UTS2R: variants seen among roughly 807,000 people sequenced by gnomAD.
UTS2R encodes urotensin 2 receptor.
For missense variants in UTS2R, 653 were observed against 562.2 expected (o/e 1.16, Z -1.63); for synonymous variants, 335 against 280.9 (o/e 1.19, Z -1.93).
In UTS2R at chr17:82,375,119, G is replaced by A. The variant is rs773791958; in HGVS notation, c.795G>A (p.Leu265=). ...RALRLVLGIV[L]LFWACFLPFW... ...TGCGCCTGGTGCTGGGCATCGTGCT[G>A]CTCTTCTGGGCCTGCTTCCTGCCCT... Residue 265 remains leucine, a synonymous_variant, in exon 3 of 3, where the codon CTG becomes CTA. Coordinates refer to ENST00000313135, the MANE Select transcript of UTS2R (RefSeq NM_018949.3). 2 of 1,509,678 alleles carry A rather than the reference G, an allele frequency of 1.3e-6. No individual in the cohort carries two copies. The highest frequency in any genetic ancestry group is 1.8e-6 in the Non-Finnish European group (2 of 1,131,002). 93.5% of individuals were successfully genotyped at this position (1,509,678 alleles called of 1,614,324 possible).
rs762930403 is a variant in UTS2R, at chr17:82,375,348, G to C, written c.1024G>C (p.Val342Leu). The change falls in exon 3 of 3, where the codon GTT (valine) becomes CTT (leucine). Residue 342 changes from valine (V) to leucine (L), a missense_variant. Coordinates refer to ENST00000313135, the MANE Select transcript of UTS2R (RefSeq NM_018949.3). ...GGGCAGCGGGGGAGGCCGGGGGCCC[G>C]TTCCCTCCCTGCAGCCCCGCGCCCG... ...GPGSGGGRGP[V>L]PSLQPRARFQ... 3.8e-6 allele frequency: 6 copies of C among 1,571,616 alleles called. No individual in the cohort carries two copies. Among genetic ancestry groups the C allele is most frequent in the Non-Finnish European group, 5.2e-6 (6 of 1,162,798 alleles).
rs532091177 is a variant in UTS2R at position 82,376,218 on chromosome 17, C to T, written c.*724C>T. Among the ~76,000 whole-genome samples the T allele has an allele frequency of 8.5e-5, 13 of 152,318 alleles. No homozygotes were observed. Among genetic ancestry groups the T allele is most frequent in the East Asian group, 3.9e-4 (2 of 5,184 alleles). ...TACAGGCCTCCTGGCCTCTCATCCA[C>T]GTCTGGCTCAGGTCTGATCAGAAAG... On this transcript the variant is annotated 3_prime_UTR_variant, in exon 3 of 3. Transcript: ENST00000313135.
chr17:82,375,092 G>A lies in UTS2R; in HGVS notation c.768G>A (p.Ala256=). Reference sequence around the variant, plus strand: ...GGGCCCGGCGGCCGGGGGCGCGCGCGCTGCGCCTGGTGCTGGGCATCGTGC... The same window carrying A: ...GGGCCCGGCGGCCGGGGGCGCGCGCACTGCGCCTGGTGCTGGGCATCGTGC... ...FKRARRPGAR[A]LRLVLGIVLL... The change falls in exon 3 of 3, where the codon GCG becomes GCA. Residue 256 remains alanine (A), a synonymous_variant. Coordinates refer to ENST00000313135, the MANE Select transcript of UTS2R (RefSeq NM_018949.3). 1.4e-6 allele frequency: 2 copies of A among 1,413,914 alleles called. No homozygotes were observed. Among genetic ancestry groups the A allele is most frequent in the Non-Finnish European group, 1.8e-6 (2 of 1,090,750 alleles). 87.6% of individuals were successfully genotyped at this position (1,413,914 alleles called of 1,614,324 possible). A position where few individuals can be genotyped will look rare whatever the true frequency, so the allele number is the denominator to read the frequency against.
In UTS2R at chr17:82,375,364, C is replaced by G; in HGVS notation, c.1040C>G (p.Pro347Arg). 6.3e-7 allele frequency: 1 copy of G among 1,578,522 alleles called. No homozygotes were observed. Among genetic ancestry groups the G allele is most frequent in the African/African-American group, 1.4e-5 (1 of 71,624 alleles). ...CGGGGGCCCGTTCCCTCCCTGCAGC[C>G]CCGCGCCCGCTTCCAGCGCTGTTCG... is the stretch of plus-strand genomic sequence containing the variant. ...GGRGPVPSLQPRARFQRCSGR... is the reference protein window; with the variant it reads ...GGRGPVPSLQRRARFQRCSGR... The change falls in exon 3 of 3, where the codon CCC (proline) becomes CGC (arginine). Residue 347 changes from proline to arginine, a missense_variant. Coordinates refer to ENST00000313135, the MANE Select transcript of UTS2R (RefSeq NM_018949.3).
At chr17:82,373,170 C>A (rs913106049) in intron 2 of UTS2R, among the ~76,000 whole-genome samples, 1 of 142,116 alleles carries the variant, frequency 7.0e-6, no homozygotes, top group Non-Finnish European at 1.5e-5. Context: ...TTTTTTTTTT[C>A]TCTGAGACAA....
chr17:82,374,187 T>C, intron 2 of UTS2R, 56 bp from the exon 3 acceptor site: 1 of 692,410 alleles, frequency 1.4e-6, no homozygotes, highest in East Asian at 2.7e-5. Context: ...AACGAGGCCA[T>C]CACAGTGGCC....
In UTS2R at chr17:82,375,674, CCT is replaced by C. The variant is rs1415690444; in HGVS notation, c.*181_*182del. 8 of 472,064 alleles carry C rather than the reference CCT, an allele frequency of 1.7e-5. No individual in the cohort carries two copies. The highest frequency in any genetic ancestry group is 1.4e-4 in the African/African-American group (7 of 48,620). 29.2% of individuals were successfully genotyped at this position (472,064 alleles called of 1,614,324 possible). On this transcript the variant is annotated 3_prime_UTR_variant, in exon 3 of 3. Coordinates refer to ENST00000313135, the MANE Select transcript of UTS2R (RefSeq NM_018949.3). ...ATGCCCAGAAGCGCCCACCCGCCTC[CCT>C]GAGGGTCTCCAGGAGGCTCCAGCGC...
chr17:82,375,202 C>G lies in UTS2R; in HGVS notation c.878C>G (p.Ala293Gly), dbSNP rs778116508. The change falls in exon 3 of 3, where the codon GCG becomes GGG. Residue 293 changes from alanine to glycine, a missense_variant. Coordinates refer to ENST00000313135, the MANE Select transcript of UTS2R (RefSeq NM_018949.3). ...YHQAPLAPRTARIVNYLTTCL... is the reference protein window; with the variant it reads ...YHQAPLAPRTGRIVNYLTTCL... Reference sequence around the variant, plus strand: ...CAGGCCCCGCTGGCGCCGCGGACGGCGCGCATCGTCAACTACCTGACCACC... The same window carrying G: ...CAGGCCCCGCTGGCGCCGCGGACGGGGCGCATCGTCAACTACCTGACCACC... The G allele has an allele frequency of 6.4e-7, 1 of 1,566,624 alleles. No individual in the cohort carries two copies. Among genetic ancestry groups the G allele is most frequent in the Non-Finnish European group, 8.6e-7 (1 of 1,157,972 alleles).
chr17:82,375,825 G>C lies in UTS2R; in HGVS notation c.*331G>C, dbSNP rs2052492328. Among the ~76,000 whole-genome samples, 1 of 152,272 alleles carries C rather than the reference G, an allele frequency of 6.6e-6. No individual in the cohort carries two copies. The highest frequency in any genetic ancestry group is 1.5e-5 in the Non-Finnish European group (1 of 68,048). On this transcript the variant is annotated 3_prime_UTR_variant, in exon 3 of 3. Transcript: ENST00000313135. The stretch of plus-strand genomic sequence containing the variant: ...CCTCCTCCTCTCAGCCAGCGGCCCT[G>C]TGACTCCTGTTCCTGCCTGTGTGGC...
Position 82,375,344 on chromosome 17 carries a change from G to A in UTS2R, c.1020G>A (p.Gly340=), listed in dbSNP as rs202005375. 1.1e-4 allele frequency: 169 copies of A among 1,566,682 alleles called. No homozygotes were observed. The African/African-American group carries it at 1.9e-3, about 18-fold the overall frequency. Residue 340 remains glycine (G), a synonymous_variant, in exon 3 of 3, where the codon GGG becomes GGA. Coordinates refer to ENST00000313135, the MANE Select transcript of UTS2R (RefSeq NM_018949.3). ...GCCCGGGCAGCGGGGGAGGCCGGGGGCCCGTTCCCTCCCTGCAGCCCCGCG... is the reference window on the plus strand; with the variant it reads ...GCCCGGGCAGCGGGGGAGGCCGGGGACCCGTTCCCTCCCTGCAGCCCCGCG... ...VRGPGSGGGR[G]PVPSLQPRAR...
chr17:82,376,900 C>T lies in UTS2R; in HGVS notation c.*1406C>T, dbSNP rs1362223441. Among the ~76,000 whole-genome samples the T allele has an allele frequency of 1.3e-5, 2 of 152,264 alleles. No homozygotes were observed. The highest frequency in any genetic ancestry group is 3.4e-3 in the Middle Eastern group (1 of 294). ...GTCCGGGAGGTGAGGGGCGCCTCTG[C>T]CCGGCCACCCCTACTGGGAAGTGAG... On this transcript the variant is annotated 3_prime_UTR_variant, in exon 3 of 3. Transcript: ENST00000313135.
intron 2 of UTS2R, 129 bp from the exon 3 acceptor site, chr17:82,374,114 C>G: frequency 1.8e-6 from 1 of 560,862 alleles, no homozygotes; most frequent in South Asian, 2.5e-5. Flanking sequence ...TCCTGCAGAG[C>G]TGGTGGCTTC....
Position 82,375,000 on chromosome 17 carries a change from C to CGGGGGAGGCCGGGGGCCCG in UTS2R, c.676_677insGGGGGAGGCCGGGGGCCCG (p.Leu226ArgfsTer149). 7.7e-7 allele frequency: 1 copy of CGGGGGAGGCCGGGGGCCCG among 1,302,918 alleles called. No homozygotes were observed. The highest frequency in any genetic ancestry group is 1.1e-6 in the Non-Finnish European group (1 of 942,758). 80.7% of individuals were successfully genotyped at this position (1,302,918 alleles called of 1,614,324 possible). A position where few individuals can be genotyped will look rare whatever the true frequency, so the allele number is the denominator to read the frequency against. On this transcript the variant is annotated frameshift_variant, in exon 3 of 3. Coordinates refer to ENST00000313135, the MANE Select transcript of UTS2R (RefSeq NM_018949.3). LOFTEE classifies it low-confidence loss of function (END_TRUNC). ...CACCAGCATCGCGGGGCCCGGGCTG[C>CGGGGGAGGCCGGGGGCCCG]TCATCGGGCTGCTCTACGCGCGCCT...
chr17:82,375,512 T>A lies in UTS2R; in HGVS notation c.*18T>A. 8.9e-7 allele frequency: 1 copy of A among 1,121,412 alleles called. No individual in the cohort carries two copies. The highest frequency in any genetic ancestry group is 1.2e-6 in the Non-Finnish European group (1 of 826,906). The allele number at this position is 1,121,412 out of a possible 1,614,324, so 69.5% of individuals were successfully genotyped here. ...CGGCGTGAGCACGCGGAGGGGCGGC[T>A]GGAGTCCAGGCGGGGACGCGCCCCA... On this transcript the variant is annotated 3_prime_UTR_variant, in exon 3 of 3. Transcript: ENST00000313135.
rs776632215 is a variant in UTS2R, at chr17:82,374,701, T to C, written c.377T>C (p.Leu126Pro). 4.3e-6 allele frequency: 7 copies of C among 1,613,296 alleles called. No individual in the cohort carries two copies. The East Asian group carries it at 1.3e-4, about 31-fold the overall frequency. Reference sequence around the variant, plus strand: ...TTCGGGGACGTGGGCTGCCGCGTGCTCTTCGGCCTGGACTTCCTGACCATG... The same window carrying C: ...TTCGGGGACGTGGGCTGCCGCGTGCCCTTCGGCCTGGACTTCCTGACCATG... ...WHFGDVGCRV[L>P]FGLDFLTMHA... Residue 126 changes from leucine to proline, a missense_variant, in exon 3 of 3, where the codon CTC (leucine) becomes CCC (proline). By Grantham distance (98) the Leu-to-Pro change is moderately conservative. Transcript: ENST00000313135.
rs964160050 is a variant in UTS2R, at chr17:82,375,645, C to G, written c.*151C>G. 10 of 486,292 alleles carry G rather than the reference C, an allele frequency of 2.1e-5. No homozygotes were observed. Among genetic ancestry groups the G allele is most frequent in the African/African-American group, 2.1e-4 (10 of 48,736 alleles). 30.1% of individuals were successfully genotyped at this position (486,292 alleles called of 1,614,324 possible). The stretch of plus-strand genomic sequence containing the variant: ...GCTCGCTTCCCCTCAGCGCCCTTCC[C>G]GTGATGCCCAGAAGCGCCCACCCGC... On this transcript the variant is annotated 3_prime_UTR_variant, in exon 3 of 3. Transcript: ENST00000313135.
In UTS2R at chr17:82,374,532, G is replaced by T; in HGVS notation, c.208G>T (p.Ala70Ser). The T allele has an allele frequency of 6.3e-7, 1 of 1,582,228 alleles. No homozygotes were observed. The highest frequency in any genetic ancestry group is 1.3e-5 in the African/African-American group (1 of 74,452). The change falls in exon 3 of 3, where the codon GCC (alanine) becomes TCC (serine). Residue 70 changes from alanine to serine, a missense_variant. Transcript: ENST00000313135. Reference protein sequence around the residue: ...AMGVVGVVGNAYTLVVTCRSL... With the variant: ...AMGVVGVVGNSYTLVVTCRSL... ...GGGCGTGGTGGGCGTGGTGGGCAAC[G>T]CCTACACGCTGGTGGTCACCTGCCG...
At position 82,374,626 on chromosome 17, in the gene UTS2R, T is replaced by TG. The variant is rs2052475519; in HGVS notation, c.303dup (p.Leu102AlafsTer267). On this transcript the variant is annotated frameshift_variant, in exon 3 of 3. Transcript: ENST00000313135. LOFTEE classifies it low-confidence loss of function (END_TRUNC). ...CTGGCGCTGGCCGACCTGCTGTACCTGCTCAGCATCCCCTTCATCGTGGCC... is the reference window on the plus strand; with the variant it reads ...CTGGCGCTGGCCGACCTGCTGTACCTGGCTCAGCATCCCCTTCATCGTGGCC... 6.2e-7 allele frequency: 1 copy of TG among 1,612,758 alleles called. No individual in the cohort carries two copies. The highest frequency in any genetic ancestry group is 1.3e-5 in the African/African-American group (1 of 75,060).
rs35363312 is a variant in UTS2R at position 82,377,221 on chromosome 17, A to G, written c.*1727A>G. On this transcript the variant is annotated 3_prime_UTR_variant, in exon 3 of 3. Transcript: ENST00000313135. The stretch of plus-strand genomic sequence containing the variant: ...GTGTCCACTCAGGGTTGAATGGATT[A>G]AGGGCGGTGCAAGATGTGCTTTGTT... 0.27 allele frequency among the ~76,000 whole-genome samples: 40,902 copies of G among 151,872 alleles called. 5,862 individuals carry two copies. The highest frequency in any genetic ancestry group is 0.31 in the Non-Finnish European group (21,072 of 67,936).
Sources: allele counts gnomAD v4.1 joint callset (sites outside exome capture counted in the v4.1 genomes callset), GRCh38; gene constraint gnomAD v4.1.1; transcripts MANE v1.5; gene names NCBI Gene and HGNC (gene_info 2026-07-23, HGNC 2026-07-21).